The following NEK10 variants were observed in gnomAD, a reference collection of about 807,000 sequenced individuals.
The protein encoded by NEK10 is serine/threonine-protein kinase Nek10.
Under a neutral mutation model 159.8 loss-of-function variants are expected in NEK10, and 122 were observed. That is an observed-to-expected ratio of 0.76 (90% confidence interval 0.66 to 0.89). The LOEUF is 0.89. Ranked by LOEUF, NEK10 falls within the 40% of genes least tolerant of loss-of-function variation. The pLI is 0.00. For missense variants in NEK10, 1,342 were observed against 1,323.1 expected, an observed-to-expected ratio of 1.01 and a Z score of -0.22; for synonymous variants, 466 against 457.1, an observed-to-expected ratio of 1.02 and a Z score of -0.25.
chr3:27,215,569 C>T, intron 23 of NEK10: 1 of 465,604 alleles, frequency 2.1e-6, no homozygotes, highest in African/African-American at 2.0e-5. Context: ...TGGATGTTGG[C>T]AGTTTAAATG....
intron 30 of NEK10, among the ~76,000 whole-genome samples, chr3:27,151,188 G>A (rs1285489193): frequency 1.3e-5 from 2 of 152,274 alleles, no homozygotes; most frequent in South Asian, 2.1e-4. Flanking sequence ...CCTCCCGGAA[G>A]GAGGCCAACC....
chr3:27,341,563 G>C (rs909644441), intron 5 of NEK10, among the ~76,000 whole-genome samples: 39 of 152,014 alleles, frequency 2.6e-4, no homozygotes, highest in African/African-American at 8.9e-4. Flanking sequence ...GTAACCCCAG[G>C]CTCAGGGATG....
At chr3:27,209,972 C>A (rs887285270) in intron 23 of NEK10, among the ~76,000 whole-genome samples, 1 of 151,100 alleles carries the variant, frequency 6.6e-6, no homozygotes, top group African/African-American at 2.4e-5. Context: ...CACTCCTATC[C>A]GAATCCAGGA....
chr3:27,143,509 T>C (rs762223509), intron 30 of NEK10: 9 of 749,658 alleles, frequency 1.2e-5, no homozygotes, highest in Non-Finnish European at 2.2e-5. Context: ...CTAGAATGTC[T>C]TCCTTCTGAA....
chr3:27,337,647 A>G (rs1246352456), intron 5 of NEK10, among the ~76,000 whole-genome samples: 4 of 152,138 alleles, frequency 2.6e-5, no homozygotes, highest in African/African-American at 7.2e-5. Flanking sequence ...ACAAATCCAC[A>G]TATTTACAGC....
chr3:27,169,767 T>C (rs76131911), intron 29 of NEK10, among the ~76,000 whole-genome samples: 163 of 152,242 alleles, frequency 1.1e-3, no homozygotes, highest in Non-Finnish European at 1.8e-3. Context: ...GGTGGTTCCA[T>C]TGAGGCTGCC....
chr3:27,212,251 T>C, intron 23 of NEK10, among the ~76,000 whole-genome samples: 1 of 152,200 alleles, frequency 6.6e-6, no homozygotes, highest in African/African-American at 2.4e-5. Flanking sequence ...TTAAGCAAAA[T>C]AAGGTATTTT....
intron 3 of NEK10, among the ~76,000 whole-genome samples, chr3:27,346,670 G>C (rs62255656): frequency 0.053 from 8,024 of 152,208 alleles, 265 homozygotes; most frequent in Middle Eastern, 0.095. Context: ...CTCTGATATA[G>C]AGCAGAGTGC....
intron 29 of NEK10, 80 bp from the exon 30 acceptor site, chr3:27,162,818 T>C: frequency 3.8e-6 from 6 of 1,587,964 alleles, no homozygotes; most frequent in Non-Finnish European, 5.1e-6. Flanking sequence ...CTTGCTATGG[T>C]CTACATTATA....
chr3:27,332,824 C>T (rs1220002582), intron 5 of NEK10, among the ~76,000 whole-genome samples: 3 of 152,166 alleles, frequency 2.0e-5, no homozygotes, highest in Non-Finnish European at 4.4e-5. Context: ...TGTACTTACC[C>T]GTTCAGGCAG....
At chr3:27,241,229 T>C (rs1227147109) in intron 23 of NEK10, among the ~76,000 whole-genome samples, 1 of 152,172 alleles carries the variant, frequency 6.6e-6, no homozygotes, top group East Asian at 1.9e-4. Context: ...CAATCTGGCA[T>C]GTACAGACTT....
chr3:27,272,177 C>A (rs1379965294), intron 22 of NEK10, among the ~76,000 whole-genome samples: 1 of 152,212 alleles, frequency 6.6e-6, no homozygotes, highest in Non-Finnish European at 1.5e-5. Context: ...TCACCCATCA[C>A]ATATGTGTCA....
chr3:27,253,434 ATT>A, intron 23 of NEK10, among the ~76,000 whole-genome samples: 2 of 152,264 alleles, frequency 1.3e-5, no homozygotes, highest in African/African-American at 4.8e-5. Flanking sequence ...ATATTTGGAT[ATT>A]TTTTTCCCTT....
In NEK10 at chr3:27,331,262, A is replaced by AAAAAAAAAAAAAAAAAAAAAAAAAAAC; in HGVS notation, c.363-9002_363-9001insGTTTTTTTTTTTTTTTTTTTTTTTTTT. ...CAAAAAAAAAAAAACAAAAAAAAAA[A>AAAAAAAAAAAAAAAAAAAAAAAAAAAC]ACACACAAACCTAAGACTTTTGAGG... On this transcript the variant is annotated intron_variant, in intron 5 of 35. Transcript: ENST00000691995. Among the ~76,000 whole-genome samples the AAAAAAAAAAAAAAAAAAAAAAAAAAAC allele has an allele frequency of 1.0e-3, 112 of 110,088 alleles. 31 individuals carry two copies. Among genetic ancestry groups the AAAAAAAAAAAAAAAAAAAAAAAAAAAC allele is most frequent in the Non-Finnish European group, 1.7e-3 (87 of 51,028 alleles). The allele number at this position is 110,088 out of a possible 152,430, so 72.2% of individuals were successfully genotyped here.
At chr3:27,269,732 T>C (rs755912617) in intron 22 of NEK10, among the ~76,000 whole-genome samples, 12 of 152,232 alleles carry the variant, frequency 7.9e-5, no homozygotes, top group Non-Finnish European at 1.3e-4. Context: ...CTCCAAGGTA[T>C]ACCTGTATAT....
intron 5 of NEK10, among the ~76,000 whole-genome samples, chr3:27,339,262 T>C (rs2047030636): frequency 6.6e-6 from 1 of 151,716 alleles, no homozygotes; most frequent in South Asian, 2.1e-4. Flanking sequence ...TCCTTGTCCA[T>C]GCCTATAAAT....
chr3:27,147,183 C>T lies in NEK10; in HGVS notation c.2870-5601G>A, dbSNP rs924215766. Among the ~76,000 whole-genome samples, 7 of 152,110 alleles carry T rather than the reference C, an allele frequency of 4.6e-5. No homozygotes were observed. In the East Asian group the frequency reaches 5.8e-4, roughly 13 times the overall value. On this transcript the variant is annotated intron_variant, in intron 30 of 35. Coordinates refer to ENST00000691995, the MANE Select transcript of NEK10 (RefSeq NM_001394966.1). ...GAACCAAGGGGGCTGAGGTCATACA[C>T]GTTGTGGGGTGAATCAATCTACAGT...
intron 22 of NEK10, chr3:27,279,010 G>T: frequency 1.4e-6 from 1 of 705,748 alleles, no homozygotes; most frequent in Non-Finnish European, 1.7e-6. Flanking sequence ...TCAAAAGATA[G>T]TCTTTCAAAT....
At chr3:27,313,546 T>C (rs2044880809) in intron 7 of NEK10, among the ~76,000 whole-genome samples, 1 of 152,180 alleles carries the variant, frequency 6.6e-6, no homozygotes, top group South Asian at 2.1e-4. Flanking sequence ...TAATCCCAGC[T>C]ACTCAGGAGG....
Sources: allele counts gnomAD v4.1 joint callset (sites outside exome capture counted in the v4.1 genomes callset), GRCh38; gene constraint gnomAD v4.1.1; transcripts MANE v1.5; gene names NCBI Gene and HGNC (gene_info 2026-07-23, HGNC 2026-07-21).